Variants in CNTN5 observed in about 807,000 individuals in gnomAD.
CNTN5 encodes contactin-5.
Under a neutral mutation model 129.1 loss-of-function variants are expected in CNTN5, and 77 were observed. The ratio of observed to expected loss-of-function variants is 0.60; its 90% CI spans 0.50 to 0.72. CNTN5 has a LOEUF of 0.72. CNTN5 is among the 30% of genes least tolerant of loss of function. The pLI is 0.00. For synonymous variants in CNTN5, 509 were observed against 465.6 expected, an observed-to-expected ratio of 1.09 and a Z score of -1.20; for missense variants, 1,478 against 1,328.8, an observed-to-expected ratio of 1.11 and a Z score of -1.75.
intron 1 of CNTN5, among the ~76,000 whole-genome samples, chr11:99,141,367 C>T (rs766595749): frequency 2.6e-5 from 4 of 151,456 alleles, no homozygotes; most frequent in Non-Finnish European, 5.9e-5. Flanking sequence ...ATGATAATCT[C>T]TTCTTTGTCA....
chr11:99,507,291 C>A (rs866165517), intron 2 of CNTN5, among the ~76,000 whole-genome samples: 139 of 148,786 alleles, frequency 9.3e-4, no homozygotes, highest in African/African-American at 3.1e-3. Context: ...GCAGGAGAAT[C>A]GCTTGAACCC....
At chr11:99,727,120 C>A (rs1943369351) in intron 3 of CNTN5, among the ~76,000 whole-genome samples, 1 of 149,072 alleles carries the variant, frequency 6.7e-6, no homozygotes, top group Non-Finnish European at 1.5e-5. Flanking sequence ...TCCTGGCTAA[C>A]AAGGTGAAAC....
intron 13 of CNTN5, among the ~76,000 whole-genome samples, chr11:100,100,014 G>C (rs1396950135): frequency 6.6e-6 from 1 of 152,030 alleles, no homozygotes; most frequent in Admixed American, 6.6e-5. Context: ...ACCCTTGACT[G>C]CTTTTCTTCT....
chr11:99,555,770 A>G (rs901300674), intron 2 of CNTN5, among the ~76,000 whole-genome samples: 2 of 151,930 alleles, frequency 1.3e-5, no homozygotes, highest in African/African-American at 4.8e-5. Flanking sequence ...AGGAGTATAT[A>G]TTAATGTAAC....
chr11:99,476,402 A>G (rs1026947191), intron 2 of CNTN5, among the ~76,000 whole-genome samples: 2 of 152,160 alleles, frequency 1.3e-5, no homozygotes, highest in African/African-American at 2.4e-5. Flanking sequence ...ATACATTTCT[A>G]TTCCTAATGT....
chr11:99,220,782 G>A (rs1473386531), intron 1 of CNTN5, among the ~76,000 whole-genome samples: 2 of 151,764 alleles, frequency 1.3e-5, no homozygotes, highest in East Asian at 1.9e-4. Context: ...ATTGTGTTGT[G>A]TTCTCTTAAC....
intron 13 of CNTN5, among the ~76,000 whole-genome samples, chr11:100,161,873 A>ACACACACACACACAC (rs1555025938): frequency 7.5e-5 from 9 of 120,236 alleles, no homozygotes; most frequent in African/African-American, 2.8e-4. Flanking sequence ...ACACACACAC[A>ACACACACACACACAC]AAACAAAAAA....
At chr11:99,237,879 C>T (rs184819798) in intron 1 of CNTN5, among the ~76,000 whole-genome samples, 2 of 152,260 alleles carry the variant, frequency 1.3e-5, no homozygotes, top group East Asian at 3.9e-4. Context: ...TGGTTACTAT[C>T]TACAAACCAA....
At position 99,832,183 on chromosome 11, in the gene CNTN5, TA is replaced by T. The variant is rs903859466; in HGVS notation, c.277+12427del. On this transcript the variant is annotated intron_variant, in intron 4 of 24. Coordinates refer to ENST00000524871, the MANE Select transcript of CNTN5 (RefSeq NM_014361.4). ...TTTGTCTAACATCATTTCCATAGTC[TA>T]AAAAAAAATCAAGTAATAAGTCATT... Among the ~76,000 whole-genome samples the T allele has an allele frequency of 3.0e-3, 457 of 151,316 alleles. 3 individuals carry two copies. The highest frequency in any genetic ancestry group is 4.8e-3 in the Non-Finnish European group (323 of 67,762).
chr11:99,291,396 C>T (rs1864165262), intron 1 of CNTN5, among the ~76,000 whole-genome samples: 1 of 151,124 alleles, frequency 6.6e-6, no homozygotes, highest in Non-Finnish European at 1.5e-5. Flanking sequence ...TATTAAATGG[C>T]CAATAAATTG....
intron 3 of CNTN5, among the ~76,000 whole-genome samples, chr11:99,584,921 G>C (rs1319512836): frequency 7.6e-6 from 1 of 131,012 alleles, no homozygotes; most frequent in Non-Finnish European, 1.7e-5. Flanking sequence ...TGCTGCAAGG[G>C]AAACAACTAA....
intron 2 of CNTN5, among the ~76,000 whole-genome samples, chr11:99,496,893 C>A (rs1158098): frequency 0.98 from 149,714 of 152,286 alleles, 73,653 homozygotes; most frequent in East Asian, 1. Flanking sequence ...TTCAAAGGAA[C>A]GAAAAATAGA....
chr11:100,272,592 C>T (rs568431398), intron 18 of CNTN5, among the ~76,000 whole-genome samples: 1 of 152,174 alleles, frequency 6.6e-6, no homozygotes, highest in African/African-American at 2.4e-5. Context: ...GGAACAGCTC[C>T]TACTGAGGGA....
At chr11:99,463,732 G>A (rs188309409) in intron 2 of CNTN5, among the ~76,000 whole-genome samples, 2 of 150,948 alleles carry the variant, frequency 1.3e-5, no homozygotes, top group Non-Finnish European at 2.9e-5. Flanking sequence ...AGTACCTATG[G>A]CATCTGAAAT....
intron 8 of CNTN5, among the ~76,000 whole-genome samples, chr11:99,971,400 G>T (rs1951247442): frequency 6.6e-6 from 1 of 151,822 alleles, no homozygotes; most frequent in East Asian, 1.9e-4. Flanking sequence ...AAAATTAGCT[G>T]GGCGTGGTGG....
chr11:99,396,259 A>G (rs1941519090), intron 2 of CNTN5, among the ~76,000 whole-genome samples: 2 of 151,632 alleles, frequency 1.3e-5, no homozygotes, highest in African/African-American at 4.8e-5. Flanking sequence ...AAATACGAGC[A>G]TAATAGAATA....
chr11:100,232,699 T>C (rs926211546), intron 16 of CNTN5, among the ~76,000 whole-genome samples: 1 of 152,172 alleles, frequency 6.6e-6, no homozygotes, highest in Admixed American at 6.5e-5. Context: ...GCACATAGTA[T>C]GTGGCAGGCA....
intron 8 of CNTN5, among the ~76,000 whole-genome samples, chr11:100,001,572 C>T (rs529527202): frequency 6.2e-4 from 94 of 152,282 alleles, no homozygotes; most frequent in African/African-American, 2.1e-3. Flanking sequence ...AATATAGTTG[C>T]TGAGTGCTTG....
chr11:99,825,998 A>G (rs1473811626), intron 4 of CNTN5, among the ~76,000 whole-genome samples: 2 of 152,054 alleles, frequency 1.3e-5, no homozygotes, highest in Admixed American at 1.3e-4. Context: ...CTTCATTTCT[A>G]CACTTTTTTG....
Sources: allele counts gnomAD v4.1 joint callset (sites outside exome capture counted in the v4.1 genomes callset), GRCh38; gene constraint gnomAD v4.1.1; transcripts MANE v1.5; gene names NCBI Gene and HGNC (gene_info 2026-07-23, HGNC 2026-07-21).